STK24: variants seen among roughly 807,000 people sequenced by gnomAD.
STK24 encodes the protein serine/threonine-protein kinase 24.
Under a neutral mutation model 55.6 loss-of-function variants are expected in STK24, and 21 were observed. The ratio of observed to expected loss-of-function variants is 0.38; its 90% CI spans 0.27 to 0.54. The LOEUF (loss-of-function observed/expected upper bound fraction) is 0.54. Among genes scored for constraint, STK24 ranks in the 20% least tolerant of loss-of-function variants. The probability of loss-of-function intolerance (pLI) is 0.79; values close to 1 mark genes in which losing one functional copy is unlikely to be tolerated. For synonymous variants in STK24, 200 were observed against 215.2 expected (o/e 0.93, Z 0.62); for missense variants, 383 against 538.4 (o/e 0.71, Z 2.86).
At chr13:98,495,932 A>T (rs1011161295) in intron 2 of STK24, among the ~76,000 whole-genome samples, 1 of 152,218 alleles carries the variant, frequency 6.6e-6, no homozygotes, top group East Asian at 1.9e-4. Context: ...ATTCCACAAA[A>T]GCTCAAGGGC....
intron 1 of STK24, among the ~76,000 whole-genome samples, chr13:98,522,704 G>A (rs1197437183): frequency 2.6e-5 from 4 of 152,220 alleles, no homozygotes; most frequent in East Asian, 1.9e-4. Context: ...GCTGCAAGCT[G>A]AAGAGTCAGG....
Position 98,466,685 on chromosome 13 carries a change from A to G in STK24, c.598-124T>C. ...GTTTTGAAAAAGGTATTTTTAACTG[A>G]TATTTAAAAACATAAGCCCTCGCTG... On this transcript the variant is annotated intron_variant, in intron 5 of 10. Coordinates refer to ENST00000539966, the MANE Select transcript of STK24 (RefSeq NM_001032296.4). 3.7e-6 allele frequency: 4 copies of G among 1,083,748 alleles called. No individual in the cohort carries two copies. The East Asian group carries it at 7.8e-5, about 21-fold the overall frequency. 67.1% of individuals were successfully genotyped at this position (1,083,748 alleles called of 1,614,324 possible).
At chr13:98,458,820 G>A (rs185727201) in intron 9 of STK24, among the ~76,000 whole-genome samples, 29 of 152,220 alleles carry the variant, frequency 1.9e-4, no homozygotes, top group Middle Eastern at 3.4e-3. Context: ...GCCAACACCC[G>A]TCTCCTCAAT....
intron 1 of STK24, among the ~76,000 whole-genome samples, chr13:98,555,284 GT>G (rs1039181173): frequency 1.3e-4 from 20 of 151,890 alleles, no homozygotes; most frequent in African/African-American, 4.8e-4. Flanking sequence ...GGATAACCAT[GT>G]TTAAACTCAC....
rs202018508 is a variant in STK24, at chr13:98,463,634, C to CA, written c.929+56dup. ...AAACGAAACCCACACCAAACAGTGA[C>CA]AAAGACCAGCGGATCCCTCCCACAC... is the stretch of plus-strand genomic sequence containing the variant. On this transcript the variant is annotated intron_variant, in intron 7 of 10. Coordinates refer to ENST00000539966, the MANE Select transcript of STK24 (RefSeq NM_001032296.4). 818 of 1,522,184 alleles carry CA rather than the reference C, an allele frequency of 5.4e-4. 5 individuals carry two copies. The African/African-American group carries it at 9.5e-3, about 18-fold the overall frequency. The allele number at this position is 1,522,184 out of a possible 1,614,324, so 94.3% of individuals were successfully genotyped here.
At chr13:98,542,776 T>C (rs1256346891) in intron 1 of STK24, 7 of 948,314 alleles carry the variant, frequency 7.4e-6, no homozygotes, top group Non-Finnish European at 8.8e-6. Flanking sequence ...GATGGTGCAA[T>C]CTACTTTCTA....
intron 1 of STK24, among the ~76,000 whole-genome samples, chr13:98,561,426 T>C (rs1228158442): frequency 6.6e-6 from 1 of 151,404 alleles, no homozygotes; most frequent in African/African-American, 2.4e-5. Flanking sequence ...CTACCAAAAA[T>C]ACAAGCATTA....
intron 1 of STK24, among the ~76,000 whole-genome samples, chr13:98,561,142 G>A (rs527237632): frequency 6.6e-6 from 1 of 152,194 alleles, no homozygotes; most frequent in African/African-American, 2.4e-5. Context: ...GAGTGTAAGT[G>A]TAACACCACC....
intron 1 of STK24, among the ~76,000 whole-genome samples, chr13:98,537,973 CT>C (rs560008203): frequency 2.4e-4 from 36 of 152,264 alleles, no homozygotes; most frequent in Admixed American, 5.9e-4. Flanking sequence ...AGCTGCTCCG[CT>C]CGGGGTGCAG....
At chr13:98,558,594 G>A (rs1308310696) in intron 1 of STK24, among the ~76,000 whole-genome samples, 2 of 152,162 alleles carry the variant, frequency 1.3e-5, no homozygotes, top group African/African-American at 4.8e-5. Context: ...CTAGCTTCCT[G>A]CCTTCAGAAC....
At chr13:98,478,577 G>A (rs918161972) in intron 3 of STK24, among the ~76,000 whole-genome samples, 1 of 152,226 alleles carries the variant, frequency 6.6e-6, no homozygotes, top group Non-Finnish European at 1.5e-5. Context: ...CTGACCCCAT[G>A]TGCAGGGGGA....
chr13:98,527,505 G>C (rs911589872), intron 1 of STK24, among the ~76,000 whole-genome samples: 2 of 152,210 alleles, frequency 1.3e-5, no homozygotes, highest in African/African-American at 4.8e-5. Flanking sequence ...CCAGATCAGA[G>C]TCAAGAGCAT....
rs140460737 is a variant in STK24, at chr13:98,498,646, G to A, written c.274-16325C>T. ...GGCTGGACCTGGCTGCCCAAGGCCT[G>A]GAACTGAACACCTGGCTATCAGGTT... is the stretch of plus-strand genomic sequence containing the variant. On this transcript the variant is annotated intron_variant, in intron 2 of 10. Coordinates refer to ENST00000539966, the MANE Select transcript of STK24 (RefSeq NM_001032296.4). Among the ~76,000 whole-genome samples, 9 of 152,270 alleles carry A rather than the reference G, an allele frequency of 5.9e-5. No individual in the cohort carries two copies. The East Asian group carries it at 1.5e-3, about 26-fold the overall frequency.
chr13:98,482,545 C>T (rs764980794), intron 2 of STK24, among the ~76,000 whole-genome samples: 2 of 152,296 alleles, frequency 1.3e-5, no homozygotes, highest in Admixed American at 6.5e-5. Flanking sequence ...CTCGGGGGCC[C>T]GCACCTGACT....
chr13:98,513,703 T>C (rs1205723619), intron 2 of STK24, among the ~76,000 whole-genome samples: 3 of 152,178 alleles, frequency 2.0e-5, no homozygotes, highest in Non-Finnish European at 4.4e-5. Flanking sequence ...CTGCAAATCA[T>C]CTCTCCATAT....
chr13:98,523,481 G>A (rs892058891), intron 1 of STK24, among the ~76,000 whole-genome samples: 2 of 152,160 alleles, frequency 1.3e-5, no homozygotes, highest in African/African-American at 4.8e-5. Flanking sequence ...CTTGAACCTG[G>A]GCTAGTCTTG....
At chr13:98,474,734 A>C in intron 5 of STK24, 87 bp downstream of exon 5, 1 of 1,500,276 alleles carries the variant, frequency 6.7e-7, no homozygotes, top group Non-Finnish European at 8.9e-7. Flanking sequence ...CTTCGTTCCA[A>C]CTTAGAAAAG....
rs1236367339 is a variant in STK24, at chr13:98,450,465, T to G, written c.*2708A>C. On this transcript the variant is annotated 3_prime_UTR_variant, in exon 11 of 11. Coordinates refer to ENST00000539966, the MANE Select transcript of STK24 (RefSeq NM_001032296.4). ...TATTGGATAAGGAAGGCAGATGCAC[T>G]TCCAAGAAAATCAGAACCCAGCAAG... 6.6e-6 allele frequency: 1 copy of G among 152,272 alleles called. No individual in the cohort carries two copies. The highest frequency in any genetic ancestry group is 2.4e-5 in the African/African-American group (1 of 41,458). The allele number at this position is 152,272 out of a possible 1,614,324, so 9.4% of individuals were successfully genotyped here. A position where few individuals can be genotyped will look rare whatever the true frequency, so the allele number is the denominator to read the frequency against.
At chr13:98,515,196 A>G (rs1000961963) in intron 2 of STK24, among the ~76,000 whole-genome samples, 6 of 152,082 alleles carry the variant, frequency 3.9e-5, no homozygotes, top group African/African-American at 7.2e-5. Context: ...GTACTACACC[A>G]TCCTGTTCTC....
Sources: gnomAD v4.1 joint callset for allele counts (sites outside exome capture counted in the v4.1 genomes callset) on GRCh38, gnomAD v4.1.1 for gene constraint, MANE v1.5 for transcripts, NCBI Gene and HGNC (gene_info 2026-07-23, HGNC 2026-07-21) for gene names.